RMND5B: variants seen among roughly 807,000 people sequenced by gnomAD.
RMND5B encodes the protein required for meiotic nuclear division 5 homolog B.
A neutral mutation model predicts 50.4 loss-of-function variants in RMND5B; 42 were observed. That is an observed-to-expected ratio of 0.83 (90% CI 0.65 to 1.08). The LOEUF is 1.08. Among genes scored for constraint, RMND5B ranks in the 50% least tolerant of loss-of-function variants. The pLI is 0.00. For missense variants in RMND5B, 463 were observed against 508.5 expected (o/e 0.91, Z 0.86); for synonymous variants, 220 against 210.0 (o/e 1.05, Z -0.41).
intron 3 of RMND5B, among the ~76,000 whole-genome samples, chr5:178,141,171 A>G (rs371362800): frequency 2.0e-5 from 3 of 152,146 alleles, no homozygotes; most frequent in Admixed American, 6.6e-5. Context: ...TCTTTTTTAA[A>G]AATTGAGCTA....
At position 178,143,721 on chromosome 5, in the gene RMND5B, C is replaced by A; in HGVS notation, c.521C>A (p.Ala174Glu). The change falls in exon 6 of 11, where the codon GCG becomes GAG. Residue 174 changes from alanine to glutamate, a missense_variant. Ala to Glu is a moderately radical substitution (Grantham distance 107). Coordinates refer to ENST00000313386, the MANE Select transcript of RMND5B (RefSeq NM_022762.5). ...CTGCACGAACAAGACCTGGGTCCTG[C>A]GTTGGAGTAAGGAGGCCCTTGGGTG... ...EALHEQDLGP[A>E]LEWAVSHRQR... 6.2e-7 allele frequency: 1 copy of A among 1,612,784 alleles called. No homozygotes were observed. Among genetic ancestry groups the A allele is most frequent in the Non-Finnish European group, 8.5e-7 (1 of 1,178,774 alleles).
intron 2 of RMND5B, among the ~76,000 whole-genome samples, chr5:178,134,849 C>T (rs766002017): frequency 6.6e-6 from 1 of 150,714 alleles, no homozygotes; most frequent in African/African-American, 2.4e-5. Flanking sequence ...TGTGGTGGTG[C>T]ACCTGTAATC....
intron 3 of RMND5B, among the ~76,000 whole-genome samples, chr5:178,140,283 A>G (rs1301470319): frequency 6.6e-6 from 1 of 151,248 alleles, no homozygotes; most frequent in Non-Finnish European, 1.5e-5. Context: ...AAGTGATCCT[A>G]CCACCTCAGC....
Position 178,137,970 on chromosome 5 carries a change from T to C in RMND5B, c.-12-138T>C, listed in dbSNP as rs141336179. The C allele has an allele frequency of 2.2e-5, 17 of 774,952 alleles. No individual in the cohort carries two copies. In the South Asian group the frequency reaches 3.2e-4, roughly 15 times the overall value. 48.0% of individuals were successfully genotyped at this position (774,952 alleles called of 1,614,324 possible). A position where few individuals can be genotyped will look rare whatever the true frequency, so the allele number is the denominator to read the frequency against. On this transcript the variant is annotated intron_variant, in intron 2 of 10. Transcript: ENST00000313386. This position sits in a 1 kb window ranked among gnomAD's most constrained non-coding sequence, Gnocchi z 4.4. ...ATGCTTACCAAAACATAGGTACATA[T>C]ATACATATATGTACAAAACATATAA...
At chr5:178,147,360 C>T in intron 8 of RMND5B, 173 bp from the exon 9 acceptor site, 1 of 608,590 alleles carries the variant, frequency 1.6e-6, no homozygotes, top group South Asian at 2.0e-5. Context: ...GTCAGACATA[C>T]ATAAGTACAT....
rs111233356 is a variant in RMND5B at position 178,144,720 on chromosome 5, G to GAA, written c.694+624_694+625dup. 3.1e-3 allele frequency among the ~76,000 whole-genome samples: 349 copies of GAA among 111,776 alleles called. 16 individuals are homozygous for GAA. The highest frequency in any genetic ancestry group is 4.5e-3 in the Non-Finnish European group (240 of 53,446). The allele number at this position is 111,776 out of a possible 152,430, so 73.3% of individuals were successfully genotyped here. ...GGTGACAGAGTGAGACTCCGTCTCA[G>GAA]AAAAAAAAAAAAAGACTTGTCTGGG... On this transcript the variant is annotated intron_variant, in intron 7 of 10. Transcript: ENST00000313386.
chr5:178,142,862 CTG>C lies in RMND5B; in HGVS notation c.297_298del (p.Glu100AspfsTer166), dbSNP rs1759025874. 1.2e-6 allele frequency: 2 copies of C among 1,614,128 alleles called. No homozygotes were observed. The highest frequency in any genetic ancestry group is 2.7e-5 in the African/African-American group (2 of 74,942). ...CTCCTCCTTCGTCAGAACTTCGACT[CTG>C]AGATCTGTGGTGTTGTGTCAGATGC... is the stretch of plus-strand genomic sequence containing the variant. On this transcript the variant is annotated frameshift_variant, in exon 5 of 11. Coordinates refer to ENST00000313386, the MANE Select transcript of RMND5B (RefSeq NM_022762.5). LOFTEE classifies it high-confidence loss of function.
At chr5:178,141,785 A>G (rs2113414853) in intron 3 of RMND5B, 1 of 152,250 alleles carries the variant, frequency 6.6e-6, no homozygotes, top group East Asian at 1.9e-4. Context: ...CTTCACCACT[A>G]TCTAATTTCA....
chr5:178,148,066 T>C lies in RMND5B; in HGVS notation c.*34T>C. ...TGGAAGGAATTTTGTTGAAAGGGGTTTTCACCTGTGAGCCTTGGTCTGTCT... is the reference window on the plus strand; with the variant it reads ...TGGAAGGAATTTTGTTGAAAGGGGTCTTCACCTGTGAGCCTTGGTCTGTCT... On this transcript the variant is annotated 3_prime_UTR_variant, in exon 11 of 11. Transcript: ENST00000313386. 6.2e-7 allele frequency: 1 copy of C among 1,603,478 alleles called. No homozygotes were observed. Among genetic ancestry groups the C allele is most frequent in the Non-Finnish European group, 8.5e-7 (1 of 1,170,394 alleles).
At position 178,138,854 on chromosome 5, in the gene RMND5B, T is replaced by C. The variant is rs747147778; in HGVS notation, c.139+596T>C. On this transcript the variant is annotated intron_variant, in intron 3 of 10. Coordinates refer to ENST00000313386, the MANE Select transcript of RMND5B (RefSeq NM_022762.5). This position sits in a 1 kb window ranked among gnomAD's most constrained non-coding sequence, Gnocchi z 5.1. ...ATAACATAGCCCCAAGCCTTCAGTG[T>C]GTATGTCCTAAAATCAAGGGCATTC... Among the ~76,000 whole-genome samples the C allele has an allele frequency of 3.3e-5, 5 of 152,204 alleles. No individual in the cohort carries two copies. Among genetic ancestry groups the C allele is most frequent in the Non-Finnish European group, 5.9e-5 (4 of 68,038 alleles).
In RMND5B at chr5:178,146,131, G is replaced by C. The variant is rs1755989454; in HGVS notation, c.712G>C (p.Gly238Arg). Reference sequence around the variant, plus strand: ...CCTTGTAGAGATCCAGGTGATGATGGGCAGCCTGGTGTACCTGCGGCTGGG... The same window carrying C: ...CCTTGTAGAGATCCAGGTGATGATGCGCAGCCTGGTGTACCTGCGGCTGGG... ...LHQREIQVMM[G>R]SLVYLRLGLE... is the part of the protein sequence containing the mutation. The change falls in exon 8 of 11, where the codon GGC (glycine) becomes CGC (arginine). Residue 238 changes from glycine (G) to arginine (R), a missense_variant. Gly to Arg is a moderately radical substitution (Grantham distance 125, BLOSUM62 -2). Coordinates refer to ENST00000313386, the MANE Select transcript of RMND5B (RefSeq NM_022762.5). 1.2e-6 allele frequency: 2 copies of C among 1,613,938 alleles called. No individual in the cohort carries two copies. The highest frequency in any genetic ancestry group is 2.7e-5 in the African/African-American group (2 of 74,932).
Position 178,149,939 on chromosome 5 carries a change from A to G in RMND5B, c.*1907A>G. 1 of 1,304,282 alleles carries G rather than the reference A, an allele frequency of 7.7e-7. No homozygotes were observed. The highest frequency in any genetic ancestry group is 1.3e-5 in the South Asian group (1 of 75,868). The allele number at this position is 1,304,282 out of a possible 1,614,324, so 80.8% of individuals were successfully genotyped here. On this transcript the variant is annotated 3_prime_UTR_variant, in exon 11 of 11. Transcript: ENST00000313386. ...CACCAGCCTAATCTGGCCCACAACC[A>G]TGTTCTGTTCGGTCCATGTTCTATT...
chr5:178,133,490 T>G (rs2113372536), intron 2 of RMND5B: 1 of 152,222 alleles, frequency 6.6e-6, no homozygotes, highest in Admixed American at 6.5e-5. Context: ...CACTGCAACC[T>G]CCACCTCCTA....
At chr5:178,134,976 C>CA (rs34541511) in intron 2 of RMND5B, among the ~76,000 whole-genome samples, 88,141 of 131,786 alleles carry the variant, frequency 0.67, 29,195 homozygotes, top group Admixed American at 0.74. Flanking sequence ...AGACCGTCTA[C>CA]AAAAAAAAAA....
In RMND5B at chr5:178,147,626, CGA is replaced by C; in HGVS notation, c.956_957del (p.Glu319ValfsTer4). 6.2e-7 allele frequency: 1 copy of C among 1,614,110 alleles called. No individual in the cohort carries two copies. ...QCTGVWNHKD[E>X]LPIEIELGMK... ...GCACTGGGGTCTGGAATCACAAGGA[CGA>C]GTTACCGGTGAGGCCTGGTCTGGGG... On this transcript the variant is annotated frameshift_variant, in exon 9 of 11. Transcript: ENST00000313386. LOFTEE classifies it high-confidence loss of function.
chr5:178,142,779 G>T (rs1180040956), intron 4 of RMND5B, 51 bp downstream of exon 4: 1 of 1,614,128 alleles, frequency 6.2e-7, no homozygotes, highest in African/African-American at 1.3e-5. Context: ...CTGAAGCTGG[G>T]ATGTACAAGG....
chr5:178,138,223 A>G lies in RMND5B; in HGVS notation c.104A>G (p.Tyr35Cys). Residue 35 changes from tyrosine (Y) to cysteine (C), a missense_variant, in exon 3 of 11, where the codon TAC becomes TGC. Physicochemically the swap from Tyr to Cys is radical, Grantham distance 194 (BLOSUM62 -2). Transcript: ENST00000313386. This position sits in a 1 kb window ranked among gnomAD's most constrained non-coding sequence, Gnocchi z 5.1. ...CERSLEELLHYVGQLRAELAS... is the reference protein window; with the variant it reads ...CERSLEELLHCVGQLRAELAS... Reference sequence around the variant, plus strand: ...CGGAGCCTGGAGGAGCTGCTGCACTACGTGGGCCAGCTGCGGGCTGAGCTG... The same window carrying G: ...CGGAGCCTGGAGGAGCTGCTGCACTGCGTGGGCCAGCTGCGGGCTGAGCTG... The G allele has an allele frequency of 6.2e-7, 1 of 1,613,902 alleles. No homozygotes were observed. The highest frequency in any genetic ancestry group is 8.5e-7 in the Non-Finnish European group (1 of 1,179,900).
intron 2 of RMND5B, among the ~76,000 whole-genome samples, chr5:178,136,507 G>A (rs1758630017): frequency 6.6e-6 from 1 of 152,138 alleles, no homozygotes; most frequent in Non-Finnish European, 1.5e-5. Context: ...TAAGGAAAAA[G>A]GGAAGAAACA....
Position 178,143,772 on chromosome 5 carries a change from C to T in RMND5B, c.527+45C>T, listed in dbSNP as rs113117147. The stretch of plus-strand genomic sequence containing the variant: ...GGCCAGCAGCATTCTGCTTCGACCT[C>T]TCAGGGCACAGGGCTTGACTGTGGT... On this transcript the variant is annotated intron_variant, in intron 6 of 10. Transcript: ENST00000313386. 2.7e-3 allele frequency: 4,051 copies of T among 1,508,508 alleles called. 101 individuals are homozygous for T. The African/African-American group carries it at 0.05, about 18-fold the overall frequency. 93.4% of individuals were successfully genotyped at this position (1,508,508 alleles called of 1,614,324 possible).
Sources: allele counts gnomAD v4.1 joint callset (sites outside exome capture counted in the v4.1 genomes callset), GRCh38; gene constraint gnomAD v4.1.1; non-coding constraint Gnocchi (gnomAD v3.1); transcripts MANE v1.5; gene names NCBI Gene and HGNC (gene_info 2026-07-23, HGNC 2026-07-21).